The following FERMT1 variants were observed in gnomAD, a reference collection of about 807,000 sequenced individuals.
The protein encoded by FERMT1 is fermitin family homolog 1.
Under a neutral mutation model 85.3 loss-of-function variants are expected in FERMT1, and 60 were observed. The ratio of observed to expected loss-of-function variants is 0.70; its 90% confidence interval spans 0.57 to 0.87. The LOEUF is 0.87. Ranked by LOEUF, FERMT1 falls within the 40% of genes least tolerant of loss-of-function variation. The pLI, the probability that FERMT1 is intolerant of heterozygous loss-of-function variation, is 0.00. For missense variants in FERMT1, 701 were observed against 818.9 expected (o/e 0.86, Z 1.76); for synonymous variants, 275 against 301.1 (o/e 0.91, Z 0.90).
chr20:6,090,935 A>G lies in FERMT1; in HGVS notation c.1140-1846T>C, dbSNP rs550889562. Among the ~76,000 whole-genome samples, 29 of 152,000 alleles carry G rather than the reference A, an allele frequency of 1.9e-4. No homozygotes were observed. The East Asian group carries it at 5.3e-3, about 28-fold the overall frequency. On this transcript the variant is annotated intron_variant, in intron 9 of 14. Transcript: ENST00000217289. ...TCCCAGCACTTTGGGAGGCCGAGGC[A>G]GGCTGATCACTTGAGCTCAGGAGTT... is the stretch of plus-strand genomic sequence containing the variant.
In FERMT1 at chr20:6,085,295, A is replaced by C. The variant is rs774479044; in HGVS notation, c.1372-8T>G. The C allele has an allele frequency of 8.7e-6, 14 of 1,612,596 alleles. No homozygotes were observed. Among genetic ancestry groups the C allele is most frequent in the African/African-American group, 2.7e-5 (2 of 74,880 alleles). ...TTGGGCGTATTGATTCTCCTGCAGCAAACAGAAGGTTGAGAAGCAAGCTCA... is the reference window on the plus strand; with the variant it reads ...TTGGGCGTATTGATTCTCCTGCAGCCAACAGAAGGTTGAGAAGCAAGCTCA... On this transcript the variant is annotated splice_polypyrimidine_tract_variant and splice_region_variant and intron_variant, in intron 11 of 14. Coordinates refer to ENST00000217289, the MANE Select transcript of FERMT1 (RefSeq NM_017671.5).
At chr20:6,116,788 G>A (rs1026110803) in intron 2 of FERMT1, among the ~76,000 whole-genome samples, 2 of 151,608 alleles carry the variant, frequency 1.3e-5, no homozygotes, top group African/African-American at 2.4e-5. Flanking sequence ...TTTAGATACC[G>A]TGGAGGAAAA....
At position 6,100,525 on chromosome 20, in the gene FERMT1, G is replaced by T. The variant is rs549472753; in HGVS notation, c.850-2894C>A. Among the ~76,000 whole-genome samples, 169 of 152,260 alleles carry T rather than the reference G, an allele frequency of 1.1e-3. 1 individual carries two copies. Among genetic ancestry groups the T allele is most frequent in the African/African-American group, 3.9e-3 (160 of 41,552 alleles). On this transcript the variant is annotated intron_variant, in intron 6 of 14. Coordinates refer to ENST00000217289, the MANE Select transcript of FERMT1 (RefSeq NM_017671.5). ...GATGAAAATGTTCTGAAATTAGATG[G>T]TGGTTAATGGTTGCACAACTCTGAA...
intron 13 of FERMT1, among the ~76,000 whole-genome samples, chr20:6,082,488 C>G (rs986297240): frequency 5.3e-5 from 8 of 152,126 alleles, no homozygotes; most frequent in Admixed American, 5.2e-4. Flanking sequence ...GTGTGTGTGT[C>G]CGCACATGGA....
At chr20:6,121,777 T>G (rs1983282201) in intron 1 of FERMT1, among the ~76,000 whole-genome samples, 1 of 152,164 alleles carries the variant, frequency 6.6e-6, no homozygotes, top group Admixed American at 6.5e-5. Flanking sequence ...CAAACTCTTA[T>G]TCACCACACT....
chr20:6,093,932 G>A (rs1440905528), intron 9 of FERMT1: 1 of 152,132 alleles, frequency 6.6e-6, no homozygotes, highest in Non-Finnish European at 1.5e-5. Flanking sequence ...CTCTAGCCTG[G>A]GTAATAGAGT....
rs192160528 is a variant in FERMT1, at chr20:6,109,521, A to G, written c.746+777T>C. Among the ~76,000 whole-genome samples the G allele has an allele frequency of 1.1e-4, 16 of 152,316 alleles. 1 individual carries two copies. Among genetic ancestry groups the G allele is most frequent in the South Asian group, 6.2e-4 (3 of 4,826 alleles). ...TGGTAGGCAATGGGGAACAACAGAA[A>G]TGGTAGTTTCAGAAATAGTTTGGGT... On this transcript the variant is annotated intron_variant, in intron 5 of 14. Coordinates refer to ENST00000217289, the MANE Select transcript of FERMT1 (RefSeq NM_017671.5).
At chr20:6,079,231 T>A (rs1054418354) in intron 14 of FERMT1, among the ~76,000 whole-genome samples, 1 of 152,254 alleles carries the variant, frequency 6.6e-6, no homozygotes, top group Non-Finnish European at 1.5e-5. Context: ...CAACTTGCAG[T>A]GCTAATGCAA....
At chr20:6,093,420 A>G (rs903660006) in intron 9 of FERMT1, among the ~76,000 whole-genome samples, 26 of 152,338 alleles carry the variant, frequency 1.7e-4, no homozygotes, top group African/African-American at 6.0e-4. Flanking sequence ...AGTGATATGG[A>G]TTCAACTCCA....
rs1287656788 is a variant in FERMT1 at position 6,077,268 on chromosome 20, T to G, written c.1939A>C (p.Ile647Leu). 3.7e-6 allele frequency: 6 copies of G among 1,614,034 alleles called. No homozygotes were observed. The Admixed American group carries it at 1.0e-4, about 27-fold the overall frequency. The change falls in exon 15 of 15, where the codon ATT becomes CTT. Residue 647 changes from isoleucine to leucine, a missense_variant. Physicochemically the swap from Ile to Leu is conservative, Grantham distance 5. Coordinates refer to ENST00000217289, the MANE Select transcript of FERMT1 (RefSeq NM_017671.5). ...GTGGACAAGAAAATGTAGCCGCCAA[T>G]GTACTCGTGCACAATCTTGCAATCT... is the stretch of plus-strand genomic sequence containing the variant. ...SADCKIVHEY[I>L]GGYIFLSTRS...
At chr20:6,084,921 A>G in intron 12 of FERMT1, 145 bp downstream of exon 12, 1 of 724,100 alleles carries the variant, frequency 1.4e-6, no homozygotes, top group Middle Eastern at 3.7e-4. Context: ...TTGAACTCCC[A>G]ACTTCAAGTG....
At chr20:6,103,826 A>G (rs1334092139) in intron 6 of FERMT1, among the ~76,000 whole-genome samples, 2 of 145,430 alleles carry the variant, frequency 1.4e-5, no homozygotes, top group African/African-American at 2.5e-5. Context: ...AAATGTACCA[A>G]TCTTTTCTGG....
chr20:6,083,664 C>A (rs548295253), intron 13 of FERMT1, among the ~76,000 whole-genome samples: 19 of 148,154 alleles, frequency 1.3e-4, no homozygotes, highest in South Asian at 2.2e-4. Flanking sequence ...CACCCCCCCC[C>A]CCGGCCACCC....
intron 5 of FERMT1, among the ~76,000 whole-genome samples, chr20:6,108,146 G>T (rs967461207): frequency 6.6e-6 from 1 of 152,164 alleles, no homozygotes; most frequent in Non-Finnish European, 1.5e-5. Flanking sequence ...GATTACAGGC[G>T]TGGGCCACTG....
intron 2 of FERMT1, 84 bp from the exon 3 acceptor site, chr20:6,116,128 G>A (rs1983092717): frequency 8.4e-6 from 8 of 957,428 alleles, no homozygotes; most frequent in Non-Finnish European, 4.9e-6. Flanking sequence ...ATTTCATTGT[G>A]TGCGAAAATG....
Position 6,118,971 on chromosome 20 carries a change from C to T in FERMT1, c.151+433G>A, listed in dbSNP as rs114712109. On this transcript the variant is annotated intron_variant, in intron 2 of 14. Coordinates refer to ENST00000217289, the MANE Select transcript of FERMT1 (RefSeq NM_017671.5). ...GTTTTTTTTTTTTTTCCCCCGACAC[C>T]GAGTCTTGCTCTGTCACCCAAGCTG... Among the ~76,000 whole-genome samples, 1,180 of 151,048 alleles carry T rather than the reference C, an allele frequency of 7.8e-3. 14 individuals are homozygous for T. The highest frequency in any genetic ancestry group is 0.027 in the African/African-American group (1,115 of 40,984).
chr20:6,085,483 G>A (rs1485539902), intron 11 of FERMT1, among the ~76,000 whole-genome samples, 196 bp from the exon 12 acceptor site: 2 of 152,186 alleles, frequency 1.3e-5, no homozygotes, highest in African/African-American at 2.4e-5. Context: ...CCTGTGTTGA[G>A]TTTCTAGATG....
chr20:6,102,257 T>C (rs2123126648), intron 6 of FERMT1, among the ~76,000 whole-genome samples: 1 of 152,244 alleles, frequency 6.6e-6, no homozygotes, highest in African/African-American at 2.4e-5. Flanking sequence ...AGGCATCCTA[T>C]AGGACTTCCC....
intron 6 of FERMT1, among the ~76,000 whole-genome samples, chr20:6,107,278 G>T (rs1432648686): frequency 6.6e-6 from 1 of 152,098 alleles, no homozygotes; most frequent in East Asian, 1.9e-4. Context: ...CAAATGGAGG[G>T]GGGCAGTGCA....
Sources: allele counts gnomAD v4.1 joint callset (sites outside exome capture counted in the v4.1 genomes callset), GRCh38; gene constraint gnomAD v4.1.1; transcripts MANE v1.5; gene names NCBI Gene and HGNC (gene_info 2026-07-23, HGNC 2026-07-21).